The following TOX2 variants were observed in gnomAD, a reference collection of about 807,000 sequenced individuals.
TOX2 encodes the protein granulosa cell HMG box 1.
In TOX2, 15 loss-of-function variants were observed where a neutral mutation model predicts 47.4. That is an observed-to-expected ratio of 0.32 (90% confidence interval 0.21 to 0.49). The LOEUF (loss-of-function observed/expected upper bound fraction) is 0.49. TOX2 is among the 20% of genes least tolerant of loss of function. The pLI is 0.99. For synonymous variants in TOX2, 290 were observed against 296.6 expected, an observed-to-expected ratio of 0.98 and a Z score of 0.23; for missense variants, 622 against 673.1, an observed-to-expected ratio of 0.92 and a Z score of 0.84.
intron 3 of TOX2, among the ~76,000 whole-genome samples, chr20:44,012,132 C>T (rs1221239617): frequency 2.6e-5 from 4 of 152,214 alleles, no homozygotes; most frequent in Non-Finnish European, 5.9e-5. Context: ...TTGATTGTCT[C>T]ATTTCGAGAG....
At chr20:44,041,196 G>A (rs942546391) in intron 3 of TOX2, among the ~76,000 whole-genome samples, 2 of 152,226 alleles carry the variant, frequency 1.3e-5, no homozygotes, top group African/African-American at 4.8e-5. Context: ...CAGTCAAGCA[G>A]TGGTGAGGTC....
At chr20:43,979,989 A>G (rs1361146707) in intron 2 of TOX2, among the ~76,000 whole-genome samples, 1 of 152,198 alleles carries the variant, frequency 6.6e-6, no homozygotes, top group African/African-American at 2.4e-5. Context: ...AAAACTAAAA[A>G]TAGAGCTACC....
chr20:43,979,805 T>G (rs966649812), intron 2 of TOX2, among the ~76,000 whole-genome samples: 1 of 152,128 alleles, frequency 6.6e-6, no homozygotes, highest in Non-Finnish European at 1.5e-5. Flanking sequence ...ATCAGAGAAA[T>G]GCAAATCAAA....
intron 2 of TOX2, among the ~76,000 whole-genome samples, chr20:43,982,505 A>G (rs2070185599): frequency 6.6e-6 from 1 of 152,138 alleles, no homozygotes; most frequent in South Asian, 2.1e-4. Flanking sequence ...AGTGGGGAGC[A>G]GCTGGATGGC....
chr20:43,927,626 TC>T (rs1600653248), intron 1 of TOX2, among the ~76,000 whole-genome samples: 1 of 6,076 alleles, frequency 1.6e-4, no homozygotes, highest in African/African-American at 4.8e-4. Flanking sequence ...CCTTCCTTCC[TC>T]CTTCCTTCCT....
At chr20:44,035,691 G>A (rs1197858447) in intron 3 of TOX2, among the ~76,000 whole-genome samples, 1 of 152,190 alleles carries the variant, frequency 6.6e-6, no homozygotes, top group Non-Finnish European at 1.5e-5. Flanking sequence ...CCAGGCATTG[G>A]GACCCTGCTC....
intron 2 of TOX2, among the ~76,000 whole-genome samples, chr20:43,999,623 G>A (rs2070540629): frequency 6.6e-6 from 1 of 152,216 alleles, no homozygotes; most frequent in South Asian, 2.1e-4. Context: ...TGGATTGGAA[G>A]ACTTAATAAT....
intron 3 of TOX2, among the ~76,000 whole-genome samples, chr20:44,027,360 C>T (rs764072128): frequency 6.6e-6 from 1 of 152,216 alleles, no homozygotes; most frequent in Non-Finnish European, 1.5e-5. Context: ...GGAGGTCCCA[C>T]CACCTGCCTG....
At position 44,006,778 on chromosome 20, in the gene TOX2, G is replaced by A. The variant is rs2070690487; in HGVS notation, c.397G>A (p.Gly133Ser). Residue 133 changes from glycine to serine, a missense_variant, in exon 3 of 9, where the codon GGC (glycine) becomes AGC (serine). Gly to Ser is a moderately conservative substitution (Grantham distance 56). Transcript: ENST00000341197. ...MLAQDSHLLS[G>S]QLPTIQEMVH... ...AGCACAGGACAGCCACCTGCTGTCGGGCCAGCTGCCCACGGTGAGTCCCTA... is the reference window on the plus strand; with the variant it reads ...AGCACAGGACAGCCACCTGCTGTCGAGCCAGCTGCCCACGGTGAGTCCCTA... 6.2e-7 allele frequency: 1 copy of A among 1,613,256 alleles called. No individual in the cohort carries two copies. The highest frequency in any genetic ancestry group is 1.7e-5 in the Admixed American group (1 of 59,976).
At chr20:43,970,689 A>G (rs936022484) in intron 1 of TOX2, among the ~76,000 whole-genome samples, 2 of 152,252 alleles carry the variant, frequency 1.3e-5, no homozygotes, top group African/African-American at 4.8e-5. Context: ...CATCAAGTCA[A>G]GTACCCAGGA....
At chr20:44,016,207 T>TA (rs1463825169) in intron 3 of TOX2, among the ~76,000 whole-genome samples, 1 of 152,022 alleles carries the variant, frequency 6.6e-6, no homozygotes, top group Non-Finnish European at 1.5e-5. Context: ...CAGCACCCTT[T>TA]AAGGTAGGAA....
intron 2 of TOX2, among the ~76,000 whole-genome samples, chr20:43,996,446 G>A (rs1394148574): frequency 2.0e-5 from 3 of 152,226 alleles, no homozygotes; most frequent in African/African-American, 4.8e-5. Flanking sequence ...GCCAGGACTC[G>A]TGTGTGTTGG....
Position 43,915,075 on chromosome 20 carries a change from G to C in TOX2, c.99+85G>C. On this transcript the variant is annotated intron_variant, in intron 1 of 8. Transcript: ENST00000341197. This position sits in a 1 kb window ranked among gnomAD's most constrained non-coding sequence, Gnocchi z 7.1. ...GACTCAGGCGCTCCCGGGGTCACAC[G>C]GGGCCGCGCACATCAGCCCCGCCGA... 1 of 820,496 alleles carries C rather than the reference G, an allele frequency of 1.2e-6. No homozygotes were observed. Among genetic ancestry groups the C allele is most frequent in the Non-Finnish European group, 1.5e-6 (1 of 647,544 alleles). 50.8% of individuals were successfully genotyped at this position (820,496 alleles called of 1,614,324 possible).
chr20:44,060,299 A>G (rs1004414475), intron 5 of TOX2, among the ~76,000 whole-genome samples: 3 of 152,230 alleles, frequency 2.0e-5, no homozygotes, highest in Non-Finnish European at 4.4e-5. Flanking sequence ...CAGTAAAACA[A>G]CAATAGCGGG....
At chr20:43,934,991 T>C (rs1349422738) in intron 1 of TOX2, among the ~76,000 whole-genome samples, 1 of 152,304 alleles carries the variant, frequency 6.6e-6, no homozygotes, top group South Asian at 2.1e-4. Flanking sequence ...GGAATCATGC[T>C]CTGTCCAGGA....
chr20:44,044,276 G>T (rs1329628576), intron 3 of TOX2, among the ~76,000 whole-genome samples: 2 of 152,074 alleles, frequency 1.3e-5, no homozygotes, highest in African/African-American at 2.4e-5. Flanking sequence ...GGGGCCTGTT[G>T]TGGGGGGCGG....
At chr20:44,024,213 A>G (rs1314526230) in intron 3 of TOX2, among the ~76,000 whole-genome samples, 2 of 152,132 alleles carry the variant, frequency 1.3e-5, no homozygotes, top group Non-Finnish European at 2.9e-5. Context: ...TGGTCTTCGT[A>G]TCTATAATTA....
At chr20:43,955,686 A>G (rs1309517719) in intron 1 of TOX2, among the ~76,000 whole-genome samples, 1 of 152,126 alleles carries the variant, frequency 6.6e-6, no homozygotes, top group African/African-American at 2.4e-5. Flanking sequence ...TCTGCATAAC[A>G]TGCTGGGGCT....
At position 43,916,217 on chromosome 20, in the gene TOX2, G is replaced by A. The variant is rs1398764951; in HGVS notation, c.99+1227G>A. ...CTCCGTGGCGATGCGGGGTGAGTGCGCGTCCAGTGGCTGGATCGGCGCCCC... is the reference window on the plus strand; with the variant it reads ...CTCCGTGGCGATGCGGGGTGAGTGCACGTCCAGTGGCTGGATCGGCGCCCC... On this transcript the variant is annotated intron_variant, in intron 1 of 8. Coordinates refer to ENST00000341197, the MANE Select transcript of TOX2 (RefSeq NM_001098797.2). The surrounding 1 kb of genome is among the most constrained non-coding windows in gnomAD (Gnocchi z 5.0). 1.0e-5 allele frequency: 10 copies of A among 985,510 alleles called. No individual in the cohort carries two copies. Among genetic ancestry groups the A allele is most frequent in the Non-Finnish European group, 9.6e-6 (8 of 830,104 alleles). The allele number at this position is 985,510 out of a possible 1,614,324, so 61.0% of individuals were successfully genotyped here.
Sources: gnomAD v4.1 joint callset for allele counts (sites outside exome capture counted in the v4.1 genomes callset) on GRCh38, gnomAD v4.1.1 for gene constraint, Gnocchi (gnomAD v3.1) non-coding constraint, MANE v1.5 for transcripts, NCBI Gene and HGNC (gene_info 2026-07-23, HGNC 2026-07-21) for gene names.